Variants in CFAP57 observed in about 807,000 individuals in gnomAD.
CFAP57 encodes the protein cilia- and flagella-associated protein 57.
Under a neutral mutation model 146.8 loss-of-function variants are expected in CFAP57, and 116 were observed. That is an observed-to-expected ratio of 0.79 (90% CI 0.68 to 0.92). The LOEUF (loss-of-function observed/expected upper bound fraction) is 0.92, where lower values mean the gene tolerates loss of function less well. CFAP57 is among the 40% of genes least tolerant of loss of function. CFAP57 has a pLI of 0.00. For missense variants in CFAP57, 1,377 were observed against 1,527.2 expected, an observed-to-expected ratio of 0.90 and a Z score of 1.64; for synonymous variants, 518 against 552.8, an observed-to-expected ratio of 0.94 and a Z score of 0.88.
At chr1:43,185,720 C>A (rs1265707480) in intron 5 of CFAP57, among the ~76,000 whole-genome samples, 1 of 149,456 alleles carries the variant, frequency 6.7e-6, no homozygotes, top group Non-Finnish European at 1.5e-5. Context: ...GAGTTTGAGA[C>A]CAGCCTGGCC....
At chr1:43,195,857 C>A (rs145620764) in intron 6 of CFAP57, among the ~76,000 whole-genome samples, 32 of 152,088 alleles carry the variant, frequency 2.1e-4, no homozygotes, top group African/African-American at 6.3e-4. Context: ...TAGGGAGGAA[C>A]AGAAGTAAAA....
intron 8 of CFAP57, 86 bp from the exon 9 acceptor site, chr1:43,199,304 C>T (rs1327052866): frequency 5.4e-6 from 7 of 1,285,624 alleles, no homozygotes; most frequent in Non-Finnish European, 7.9e-6. Context: ...AGTCTGAACT[C>T]GTTGGGAAAA....
At chr1:43,187,209 C>A (rs1001800941) in intron 6 of CFAP57, among the ~76,000 whole-genome samples, 1 of 152,058 alleles carries the variant, frequency 6.6e-6, no homozygotes, top group African/African-American at 2.4e-5. Context: ...TTTCTTTTTC[C>A]TTTTTACTGT....
Position 43,181,611 on chromosome 1 carries a change from C to G in CFAP57, c.235C>G (p.Gln79Glu). The G allele has an allele frequency of 6.2e-7, 1 of 1,614,188 alleles. No homozygotes were observed. The highest frequency in any genetic ancestry group is 8.5e-7 in the Non-Finnish European group (1 of 1,180,026). Reference sequence around the variant, plus strand: ...GTACCTCGCTATCTCTGAGACTGTGCAAGAAAAACCTGCCATCACCATTTA... The same window carrying G: ...GTACCTCGCTATCTCTGAGACTGTGGAAGAAAAACCTGCCATCACCATTTA... ...RRYLAISETV[Q>E]EKPAITIYEL... Residue 79 changes from glutamine to glutamate, a missense_variant, in exon 3 of 23, where the codon CAA becomes GAA. Coordinates refer to ENST00000372492, the MANE Select transcript of CFAP57 (RefSeq NM_001378189.1).
intron 12 of CFAP57, among the ~76,000 whole-genome samples, chr1:43,216,381 A>G (rs1644834824): frequency 6.6e-6 from 1 of 152,210 alleles, no homozygotes; most frequent in Admixed American, 6.5e-5. Context: ...AGGAAAAGCA[A>G]AGAGGGAGAA....
chr1:43,250,506 G>C (rs1646296887), intron 22 of CFAP57: 1 of 152,214 alleles, frequency 6.6e-6, no homozygotes, highest in South Asian at 2.1e-4. Context: ...CCATTCAGCA[G>C]CAAAGTCCAG....
intron 4 of CFAP57, among the ~76,000 whole-genome samples, chr1:43,184,293 G>A (rs1411905397): frequency 6.6e-6 from 1 of 152,138 alleles, no homozygotes; most frequent in Non-Finnish European, 1.5e-5. Context: ...ACCAACAAGT[G>A]CAAGGAAATG....
At chr1:43,251,159 T>C (rs1411744082) in intron 22 of CFAP57, among the ~76,000 whole-genome samples, 1 of 152,220 alleles carries the variant, frequency 6.6e-6, no homozygotes, top group Non-Finnish European at 1.5e-5. Context: ...AAACAAAATA[T>C]ATTGCTGAAA....
intron 21 of CFAP57, among the ~76,000 whole-genome samples, 185 bp downstream of exon 21, chr1:43,234,823 A>G (rs1428542786): frequency 6.6e-6 from 1 of 152,040 alleles, no homozygotes; most frequent in Non-Finnish European, 1.5e-5. Context: ...ACTGTGGCTG[A>G]GAGCTCACCT....
Position 43,223,002 on chromosome 1 carries a change from C to G in CFAP57, c.2706+5C>G. On this transcript the variant is annotated splice_donor_5th_base_variant and intron_variant, in intron 16 of 22. Transcript: ENST00000372492. The stretch of plus-strand genomic sequence containing the variant: ...ACAGGCATCATGAGGAAGAAGGTAG[C>G]AGGCTGTTCTCCAAGAGACCTAGGG... 1 of 1,546,038 alleles carries G rather than the reference C, an allele frequency of 6.5e-7. No individual in the cohort carries two copies. The highest frequency in any genetic ancestry group is 8.7e-7 in the Non-Finnish European group (1 of 1,144,696).
rs117105091 is a variant in CFAP57 at position 43,197,606 on chromosome 1, C to A, written c.1176C>A (p.Ile392=). The A allele has an allele frequency of 1.9e-6, 3 of 1,614,138 alleles. No individual in the cohort carries two copies. Among genetic ancestry groups the A allele is most frequent in the Non-Finnish European group, 2.5e-6 (3 of 1,180,038 alleles). The change falls in exon 7 of 23, where the codon ATC becomes ATA. Residue 392 remains isoleucine, a synonymous_variant. Coordinates refer to ENST00000372492, the MANE Select transcript of CFAP57 (RefSeq NM_001378189.1). The part of the protein sequence containing the change: ...YLMYPLHSAP[I]TGLATCIRKP... ...TGTATCCATTGCACTCAGCACCCAT[C>A]ACCGGTCTAGCTACCTGCATCCGCA... is the stretch of plus-strand genomic sequence containing the variant.
intron 3 of CFAP57, among the ~76,000 whole-genome samples, chr1:43,182,478 C>T (rs1172601825): frequency 6.6e-6 from 1 of 152,192 alleles, no homozygotes; most frequent in African/African-American, 2.4e-5. Context: ...TTCAGAGATT[C>T]TAGCTAATCA....
chr1:43,245,547 A>G (rs1169936976), intron 22 of CFAP57, among the ~76,000 whole-genome samples: 1 of 151,942 alleles, frequency 6.6e-6, no homozygotes, highest in African/African-American at 2.4e-5. Context: ...TCATCAACAT[A>G]CCCCCACCCC....
chr1:43,241,757 T>C (rs1645931632), intron 21 of CFAP57, among the ~76,000 whole-genome samples: 2 of 152,114 alleles, frequency 1.3e-5, no homozygotes, highest in Non-Finnish European at 2.9e-5. Context: ...TCCAGACCTA[T>C]GAGTCAGAGG....
chr1:43,233,452 G>A (rs369965642), intron 19 of CFAP57, among the ~76,000 whole-genome samples: 7 of 150,124 alleles, frequency 4.7e-5, no homozygotes, highest in South Asian at 2.1e-4. Context: ...TTGCAACACC[G>A]CACTCCAGCC....
intron 9 of CFAP57, among the ~76,000 whole-genome samples, chr1:43,203,910 T>C (rs1333475768): frequency 3.3e-5 from 5 of 152,248 alleles, no homozygotes; most frequent in Admixed American, 6.5e-5. Flanking sequence ...TTTTCAGCAT[T>C]ATTTATTTGA....
At chr1:43,184,610 A>G (rs537824668) in intron 4 of CFAP57, among the ~76,000 whole-genome samples, 165 of 152,222 alleles carry the variant, frequency 1.1e-3, no homozygotes, top group African/African-American at 3.8e-3. Context: ...CAGGCTCAGG[A>G]TTCAAACCCA....
At chr1:43,194,001 C>G (rs1206473960) in intron 6 of CFAP57, among the ~76,000 whole-genome samples, 2 of 152,010 alleles carry the variant, frequency 1.3e-5, no homozygotes, top group East Asian at 3.9e-4. Context: ...TTTAAATCAG[C>G]TAAAAGATGA....
chr1:43,209,819 TG>T lies in CFAP57; in HGVS notation c.1835del (p.Gly612AlafsTer10). On this transcript the variant is annotated frameshift_variant, in exon 11 of 23. Coordinates refer to ENST00000372492, the MANE Select transcript of CFAP57 (RefSeq NM_001378189.1). LOFTEE classifies it high-confidence loss of function. ...TCGCATTCTGGACGCATGATGTTTGTGGGCACCTCGGTGGGAACCATTCGTG... is the reference window on the plus strand; with the variant it reads ...TCGCATTCTGGACGCATGATGTTTGTGGCACCTCGGTGGGAACCATTCGTG... The part of the protein sequence containing the change: ...VISHSGRMMF[V>X]GTSVGTIRAM... 6.2e-7 allele frequency: 1 copy of T among 1,614,178 alleles called. No homozygotes were observed.
Sources: gnomAD v4.1 joint callset for allele counts (sites outside exome capture counted in the v4.1 genomes callset) on GRCh38, gnomAD v4.1.1 for gene constraint, MANE v1.5 for transcripts, NCBI Gene and HGNC (gene_info 2026-07-23, HGNC 2026-07-21) for gene names.